MID2: variants seen among roughly 807,000 people sequenced by gnomAD.
MID2 encodes the protein probable E3 ubiquitin-protein ligase MID2.
MID2 carries 13 observed loss-of-function variants against 46.1 expected under a neutral mutation model. The ratio of observed to expected loss-of-function variants is 0.28; its 90% CI spans 0.18 to 0.45. The LOEUF (loss-of-function observed/expected upper bound fraction) is 0.45, where lower values mean the gene tolerates loss of function less well. Ranked by LOEUF, MID2 falls within the 20% of genes least tolerant of loss-of-function variation. MID2 has a pLI of 1.00. For synonymous variants in MID2, 199 were observed against 212.3 expected, an observed-to-expected ratio of 0.94 and a Z score of 0.55; for missense variants, 431 against 575.4, an observed-to-expected ratio of 0.75 and a Z score of 2.57.
intron 3 of MID2, among the ~76,000 whole-genome samples, chrX:107,864,223 G>A (rs1175346114): frequency 9.0e-6 from 1 of 111,686 alleles, no homozygotes; most frequent in Non-Finnish European, 1.9e-5. Flanking sequence ...TCTAGCTCTA[G>A]AAAAACATAT....
intron 3 of MID2, among the ~76,000 whole-genome samples, chrX:107,872,955 G>A (rs901369070): frequency 1.8e-5 from 2 of 110,989 alleles, no homozygotes; most frequent in Admixed American, 9.5e-5. Context: ...GTTCAGGGGC[G>A]ACGAGTCTCC....
At chrX:107,875,193 C>T (rs1427313139) in intron 3 of MID2, among the ~76,000 whole-genome samples, 1 of 111,346 alleles carries the variant, frequency 9.0e-6, no homozygotes, top group Non-Finnish European at 1.9e-5. Context: ...TAATGGTATG[C>T]AGAAGAAGGC....
At chrX:107,889,494 T>G (rs2147854278) in intron 3 of MID2, among the ~76,000 whole-genome samples, 1 of 112,097 alleles carries the variant, frequency 8.9e-6, no homozygotes, top group South Asian at 3.8e-4. Flanking sequence ...AGATCCGCTG[T>G]TAGTCTGATG....
intron 4 of MID2, 79 bp downstream of exon 4, chrX:107,904,144 T>C: frequency 1.4e-6 from 1 of 696,656 alleles, no homozygotes. Context: ...GATTCTGGTT[T>C]GATCATGAAA....
intron 3 of MID2, among the ~76,000 whole-genome samples, chrX:107,874,225 G>A (rs1380970620): frequency 8.9e-6 from 1 of 111,755 alleles, no homozygotes; most frequent in Non-Finnish European, 1.9e-5. Flanking sequence ...GGAGGAAGGT[G>A]GCTGGATTTA....
chrX:107,845,974 A>G (rs1238353495), intron 2 of MID2, among the ~76,000 whole-genome samples: 2 of 112,208 alleles, frequency 1.8e-5, no homozygotes, highest in African/African-American at 3.2e-5. Context: ...ATGAGTGTGT[A>G]TATTCCTGCA....
intron 5 of MID2, among the ~76,000 whole-genome samples, chrX:107,911,395 A>G (rs1271494061): frequency 9.0e-6 from 1 of 111,395 alleles, no homozygotes; most frequent in Non-Finnish European, 1.9e-5. Context: ...TTTTACTAAG[A>G]TACTTCCTTA....
chrX:107,867,987 T>G (rs1173704552), intron 3 of MID2, among the ~76,000 whole-genome samples: 1 of 111,763 alleles, frequency 8.9e-6, no homozygotes, highest in East Asian at 2.8e-4. Context: ...GACATAAATA[T>G]AATTAAGGCA....
intron 7 of MID2, among the ~76,000 whole-genome samples, chrX:107,918,671 C>A (rs893701079): frequency 1.8e-5 from 2 of 111,613 alleles, no homozygotes; most frequent in African/African-American, 6.5e-5. Flanking sequence ...CAGCTCCAAC[C>A]TAAACCACTT....
rs770916962 is a variant in MID2 at position 107,886,200 on chromosome X, G to T, written c.817-17758G>T. ...TTTTAGACATGAAGTCCTTGCCCAT[G>T]CCTATGTCCTGAATGGTATTGCCTA... On this transcript the variant is annotated intron_variant, in intron 3 of 9. Coordinates refer to ENST00000262843, the MANE Select transcript of MID2 (RefSeq NM_012216.4). 1.2e-4 allele frequency among the ~76,000 whole-genome samples: 14 copies of T among 112,001 alleles called. No individual in the cohort carries two copies. In the South Asian group the frequency reaches 4.5e-3, roughly 36 times the overall value.
At chrX:107,915,767 G>C (rs904907861) in intron 5 of MID2, among the ~76,000 whole-genome samples, 25 of 111,590 alleles carry the variant, frequency 2.2e-4, no homozygotes, top group African/African-American at 7.1e-4. Context: ...AAGACCGGAT[G>C]GGGGAGTGTG....
At position 107,928,185 on chromosome X, in the gene MID2, C is replaced by A. The variant is rs1224606431; in HGVS notation, c.*1112C>A. ...GAGTATTATTGATGCACCAACTATT[C>A]CCATATAAATGTACTTGCTTTTTCA... On this transcript the variant is annotated 3_prime_UTR_variant, in exon 10 of 10. Coordinates refer to ENST00000262843, the MANE Select transcript of MID2 (RefSeq NM_012216.4). Among the ~76,000 whole-genome samples, 1 of 111,999 alleles carries A rather than the reference C, an allele frequency of 8.9e-6. No individual in the cohort carries two copies. Among genetic ancestry groups the A allele is most frequent in the East Asian group, 2.8e-4 (1 of 3,605 alleles).
At position 107,841,399 on chromosome X, in the gene MID2, G is replaced by A. The variant is rs772691544; in HGVS notation, c.720+14G>A. The A allele has an allele frequency of 8.0e-6, 9 of 1,126,441 alleles. No individual in the cohort carries two copies. The highest frequency in any genetic ancestry group is 1.1e-5 in the Non-Finnish European group (9 of 833,588). 92.8% of individuals were successfully genotyped at this position (1,126,441 alleles called of 1,213,427 possible). On this transcript the variant is annotated intron_variant, in intron 2 of 9. Transcript: ENST00000262843. The stretch of plus-strand genomic sequence containing the variant: ...GAGAAACTCAAGGTAAGGGATCTGG[G>A]GAGCATCCCCTATACAACTTTGTCG...
intron 3 of MID2, among the ~76,000 whole-genome samples, chrX:107,897,650 GT>G (rs747530180): frequency 3.6e-5 from 4 of 111,157 alleles, no homozygotes; most frequent in Non-Finnish European, 7.5e-5. Flanking sequence ...TATAGTGCTG[GT>G]GGTGATCATG....
chrX:107,893,087 C>T (rs764298396), intron 3 of MID2, among the ~76,000 whole-genome samples: 1 of 112,819 alleles, frequency 8.9e-6, no homozygotes, highest in African/African-American at 3.2e-5. Flanking sequence ...TTGACTGCTT[C>T]AAGAATTGGG....
In MID2 at chrX:107,928,131, G is replaced by T. The variant is rs1468430704; in HGVS notation, c.*1058G>T. Among the ~76,000 whole-genome samples the T allele has an allele frequency of 8.9e-6, 1 of 111,840 alleles. No individual in the cohort carries two copies. Among genetic ancestry groups the T allele is most frequent in the Non-Finnish European group, 1.9e-5 (1 of 53,154 alleles). Reference sequence around the variant, plus strand: ...AAGTTGCACAGTGAAGGCTCTTTAGGAACCTACTTTACTTAATCAGTAAAA... The same window carrying T: ...AAGTTGCACAGTGAAGGCTCTTTAGTAACCTACTTTACTTAATCAGTAAAA... On this transcript the variant is annotated 3_prime_UTR_variant, in exon 10 of 10. Transcript: ENST00000262843.
rs1223894747 is a variant in MID2, at chrX:107,928,135, CTACTT to C, written c.*1068_*1072del. Among the ~76,000 whole-genome samples the C allele has an allele frequency of 8.0e-5, 9 of 112,031 alleles. No homozygotes were observed. Among genetic ancestry groups the C allele is most frequent in the Admixed American group, 5.7e-4 (6 of 10,575 alleles). On this transcript the variant is annotated 3_prime_UTR_variant, in exon 10 of 10. Transcript: ENST00000262843. Reference sequence around the variant, plus strand: ...TGCACAGTGAAGGCTCTTTAGGAACCTACTTTACTTAATCAGTAAAAATTGAGTAT... The same window carrying C: ...TGCACAGTGAAGGCTCTTTAGGAACCTACTTAATCAGTAAAAATTGAGTAT...
At chrX:107,885,229 G>A (rs972649495) in intron 3 of MID2, among the ~76,000 whole-genome samples, 4 of 107,851 alleles carry the variant, frequency 3.7e-5, no homozygotes, top group African/African-American at 6.8e-5. Flanking sequence ...CCATTAACTC[G>A]TCATTTACAT....
intron 3 of MID2, among the ~76,000 whole-genome samples, chrX:107,878,446 G>A (rs1328526580): frequency 9.0e-6 from 1 of 111,346 alleles, no homozygotes; most frequent in Non-Finnish European, 1.9e-5. Flanking sequence ...TCTGATTGCT[G>A]GGCCAAATGT....
Sources: gnomAD v4.1 joint callset for allele counts (sites outside exome capture counted in the v4.1 genomes callset) on GRCh38, gnomAD v4.1.1 for gene constraint, MANE v1.5 for transcripts, NCBI Gene and HGNC (gene_info 2026-07-23, HGNC 2026-07-21) for gene names.